The following PPFIA1 variants were observed in gnomAD, a reference collection of about 807,000 sequenced individuals.
PPFIA1 encodes the protein PPFI scaffold protein A1.
Under a neutral mutation model 149.9 loss-of-function variants are expected in PPFIA1, and 25 were observed. The ratio of observed to expected loss-of-function variants is 0.17; its 90% CI spans 0.12 to 0.23. The LOEUF (loss-of-function observed/expected upper bound fraction) is 0.23, where lower values mean the gene tolerates loss of function less well. Ranked by LOEUF, PPFIA1 falls within the 10% of genes least tolerant of loss-of-function variation. The pLI, the probability that PPFIA1 is intolerant of heterozygous loss-of-function variation, is 1.00. For missense variants in PPFIA1, 1,362 were observed against 1,506.5 expected (o/e 0.90, Z 1.59); for synonymous variants, 549 against 552.8 (o/e 0.99, Z 0.10).
intron 2 of PPFIA1, among the ~76,000 whole-genome samples, chr11:70,302,743 A>G (rs1168288406): frequency 6.6e-6 from 1 of 151,510 alleles, no homozygotes; most frequent in Non-Finnish European, 1.5e-5. Context: ...GTAAATGTAA[A>G]TGTAGCCGTA....
intron 2 of PPFIA1, among the ~76,000 whole-genome samples, chr11:70,312,189 G>A (rs2053328450): frequency 6.6e-6 from 1 of 151,448 alleles, no homozygotes; most frequent in Non-Finnish European, 1.5e-5. Context: ...TTGAGACAGG[G>A]TCTCAAAACA....
chr11:70,339,121 T>C, intron 13 of PPFIA1, 50 bp from the exon 14 acceptor site: 1 of 1,602,826 alleles, frequency 6.2e-7, no homozygotes, highest in Non-Finnish European at 8.5e-7. Flanking sequence ...TAAAAGAGAG[T>C]TTATTTTCTT....
chr11:70,276,871 T>C (rs1317151603), intron 2 of PPFIA1, among the ~76,000 whole-genome samples: 2 of 151,854 alleles, frequency 1.3e-5, no homozygotes, highest in Non-Finnish European at 2.9e-5. Context: ...ATTCTTGATA[T>C]CAGTAATTCA....
rs777309457 is a variant in PPFIA1 at position 70,287,144 on chromosome 11, C to T, written c.264+14708C>T. On this transcript the variant is annotated intron_variant, in intron 2 of 27. Coordinates refer to ENST00000253925, the MANE Select transcript of PPFIA1 (RefSeq NM_003626.5). ...CTGGGATTACAGGCGTGAGCCACCA[C>T]GCCGGGCCAAGATCTTTCTAAAATG... is the stretch of plus-strand genomic sequence containing the variant. Among the ~76,000 whole-genome samples, 9 of 152,014 alleles carry T rather than the reference C, an allele frequency of 5.9e-5. No homozygotes were observed. In the South Asian group the frequency reaches 6.2e-4, roughly 10 times the overall value.
In PPFIA1 at chr11:70,343,839, C is replaced by T; in HGVS notation, c.1878C>T (p.His626=). ...CGCCCAGCGGGCAGGCCGACGCGCA[C>T]ACACTAGCCATGATGCTTCAGGAGC... ...LLSPSGQADA[H]TLAMMLQEQL... The change falls in exon 15 of 28, where the codon CAC becomes CAT. Residue 626 remains histidine (H), a synonymous_variant. Coordinates refer to ENST00000253925, the MANE Select transcript of PPFIA1 (RefSeq NM_003626.5). 6.2e-7 allele frequency: 1 copy of T among 1,614,156 alleles called. No individual in the cohort carries two copies. The highest frequency in any genetic ancestry group is 8.5e-7 in the Non-Finnish European group (1 of 1,180,020).
chr11:70,335,391 G>A (rs574834155), intron 10 of PPFIA1, among the ~76,000 whole-genome samples, 172 bp from the exon 11 acceptor site: 18 of 152,258 alleles, frequency 1.2e-4, no homozygotes, highest in Admixed American at 2.0e-4. Context: ...TGCTCCCTGT[G>A]TCCATGAGTT....
chr11:70,318,033 G>C (rs1186120306), intron 2 of PPFIA1, among the ~76,000 whole-genome samples: 1 of 151,964 alleles, frequency 6.6e-6, no homozygotes, highest in Non-Finnish European at 1.5e-5. Flanking sequence ...CAGCCTTTCA[G>C]CTCCCTTGCC....
chr11:70,324,377 T>A (rs779158309), intron 2 of PPFIA1, 25 bp from the exon 3 acceptor site: 1 of 1,546,224 alleles, frequency 6.5e-7, no homozygotes, highest in East Asian at 2.3e-5. Flanking sequence ...TCTTATTTAT[T>A]TAATTTTGTT....
intron 12 of PPFIA1, among the ~76,000 whole-genome samples, chr11:70,337,821 T>C (rs2055076515): frequency 6.6e-6 from 1 of 152,242 alleles, no homozygotes; most frequent in Non-Finnish European, 1.5e-5. Context: ...TTTCATAATG[T>C]ATTAATAGAA....
chr11:70,287,322 A>T (rs1223458561), intron 2 of PPFIA1, among the ~76,000 whole-genome samples: 1 of 151,766 alleles, frequency 6.6e-6, no homozygotes. Flanking sequence ...TTTTTGTACA[A>T]CTTTGTAAAT....
intron 16 of PPFIA1, among the ~76,000 whole-genome samples, chr11:70,353,743 T>C (rs1382323815): frequency 1.3e-5 from 2 of 152,194 alleles, no homozygotes; most frequent in Non-Finnish European, 2.9e-5. Context: ...TTGAGAAATA[T>C]GAGCCATACA....
chr11:70,316,212 C>T (rs938046054), intron 2 of PPFIA1, among the ~76,000 whole-genome samples: 1 of 152,174 alleles, frequency 6.6e-6, no homozygotes, highest in Non-Finnish European at 1.5e-5. Flanking sequence ...GTTGGGATTA[C>T]AGGCATGCAC....
chr11:70,290,763 T>C (rs977907760), intron 2 of PPFIA1, among the ~76,000 whole-genome samples: 9 of 152,226 alleles, frequency 5.9e-5, no homozygotes, highest in African/African-American at 1.2e-4. Context: ...CTATGTAGTT[T>C]TAAACCTTTG....
At chr11:70,352,946 G>GT (rs963312915) in intron 16 of PPFIA1, among the ~76,000 whole-genome samples, 5 of 152,116 alleles carry the variant, frequency 3.3e-5, no homozygotes, top group Non-Finnish European at 7.4e-5. Flanking sequence ...TTTTGGTTTT[G>GT]TTTTTTTAAA....
At chr11:70,296,393 T>C (rs1376783849) in intron 2 of PPFIA1, among the ~76,000 whole-genome samples, 1 of 152,200 alleles carries the variant, frequency 6.6e-6, no homozygotes, top group Non-Finnish European at 1.5e-5. Context: ...CTGGGCACCA[T>C]TGAGCACTGA....
At chr11:70,376,204 G>C (rs1424890287) in intron 24 of PPFIA1, among the ~76,000 whole-genome samples, 4 of 152,110 alleles carry the variant, frequency 2.6e-5, no homozygotes, top group African/African-American at 9.7e-5. Context: ...GGCCAAGCTG[G>C]TCTCAAACTC....
intron 2 of PPFIA1, among the ~76,000 whole-genome samples, chr11:70,319,221 A>G (rs2053799943): frequency 6.6e-6 from 1 of 152,184 alleles, no homozygotes; most frequent in Non-Finnish European, 1.5e-5. Flanking sequence ...TTGACCTGTC[A>G]GGAGCTCCTG....
At chr11:70,349,495 T>C (rs1031116485) in intron 16 of PPFIA1, among the ~76,000 whole-genome samples, 2 of 152,206 alleles carry the variant, frequency 1.3e-5, no homozygotes, top group African/African-American at 2.4e-5. Flanking sequence ...CTATCTTGTA[T>C]ATTTAGAATT....
intron 2 of PPFIA1, among the ~76,000 whole-genome samples, chr11:70,287,083 G>A (rs1361400322): frequency 6.6e-6 from 1 of 151,678 alleles, no homozygotes; most frequent in Non-Finnish European, 1.5e-5. Context: ...GAACTCTTGA[G>A]CTCAAGTGAT....
Sources: gnomAD v4.1 joint callset for allele counts (sites outside exome capture counted in the v4.1 genomes callset) on GRCh38, gnomAD v4.1.1 for gene constraint, MANE v1.5 for transcripts, NCBI Gene and HGNC (gene_info 2026-07-23, HGNC 2026-07-21) for gene names.